ABCA1: variants seen among roughly 807,000 people sequenced by gnomAD.
The protein encoded by ABCA1 is ATP binding cassette subfamily A member 1, also known as phospholipid-transporting ATPase ABCA1.
ABCA1 carries 133 observed loss-of-function variants against 262.5 expected under a neutral mutation model. The observed-to-expected ratio is 0.51, with a 90% CI of 0.44 to 0.59. The LOEUF (loss-of-function observed/expected upper bound fraction) is 0.59. Among genes scored for constraint, ABCA1 ranks in the 20% least tolerant of loss-of-function variants. The probability of loss-of-function intolerance (pLI) is 0.00; values close to 1 mark genes in which losing one functional copy is unlikely to be tolerated. For synonymous variants in ABCA1, 1,022 were observed against 1,043.5 expected, an observed-to-expected ratio of 0.98 and a Z score of 0.40; for missense variants, 2,452 against 2,777.5, an observed-to-expected ratio of 0.88 and a Z score of 2.63.
chr9:104,908,800 C>T (rs545914610), intron 1 of ABCA1, among the ~76,000 whole-genome samples: 2 of 152,284 alleles, frequency 1.3e-5, no homozygotes, highest in Admixed American at 1.3e-4. Context: ...CTACATACTG[C>T]ATGATTCCAT....
Position 104,781,128 on chromosome 9 carries a change from T to C in ABCA1, c.*3187A>G, listed in dbSNP as rs778273493. On this transcript the variant is annotated 3_prime_UTR_variant, in exon 50 of 50. Transcript: ENST00000374736. ...CAAAATTTTTTTTCTTTTTTCCTTT[T>C]AATGAAAATGATTTAACTTAGAAAT... The C allele has an allele frequency of 9.8e-5, 15 of 152,666 alleles. No individual in the cohort carries two copies. Among genetic ancestry groups the C allele is most frequent in the Non-Finnish European group, 1.6e-4 (11 of 68,038 alleles). 9.5% of individuals were successfully genotyped at this position (152,666 alleles called of 1,614,324 possible).
Position 104,800,533 on chromosome 9 carries a change from G to C in ABCA1, c.4750C>G (p.Leu1584Val). Residue 1584 changes from leucine (L) to valine (V), a missense_variant, in exon 35 of 50, where the codon CTG becomes GTG. Leu to Val is a conservative substitution (Grantham distance 32). Coordinates refer to ENST00000374736, the MANE Select transcript of ABCA1 (RefSeq NM_005502.4). The part of the protein sequence containing the change: ...LNSLGRFMTG[L>V]DTKNNVKVWF... ...ACCTTGACATTATTTTTGGTGTCCA[G>C]TCCTGTCATAAATCTTCCCAAGCTG... 6.2e-7 allele frequency: 1 copy of C among 1,614,050 alleles called. No homozygotes were observed. The highest frequency in any genetic ancestry group is 8.5e-7 in the Non-Finnish European group (1 of 1,179,930).
At chr9:104,889,724 A>C (rs1217331308) in intron 2 of ABCA1, among the ~76,000 whole-genome samples, 3 of 151,772 alleles carry the variant, frequency 2.0e-5, no homozygotes, top group Non-Finnish European at 4.4e-5. Context: ...TGCTGTGCTA[A>C]ATACACACAA....
At chr9:104,816,386 AG>A (rs748311698) in intron 24 of ABCA1, 41 bp from the exon 25 acceptor site, 3 of 1,599,778 alleles carry the variant, frequency 1.9e-6, no homozygotes, top group Non-Finnish European at 8.6e-7. Context: ...ATCAACTCAG[AG>A]GGGCTTCGGA....
At chr9:104,813,643 C>T (rs1481673482) in intron 27 of ABCA1, among the ~76,000 whole-genome samples, 1 of 152,174 alleles carries the variant, frequency 6.6e-6, no homozygotes, top group African/African-American at 2.4e-5. Context: ...AAACTCCTGA[C>T]CTCAGGTGAT....
Position 104,883,081 on chromosome 9 carries a change from T to C in ABCA1, c.379A>G (p.Lys127Glu). ...ATCTGCTGTAATGTTCTCAGAACTTTGCGCATGTCCTTCATGCTGGTGTCT... is the reference window on the plus strand; with the variant it reads ...ATCTGCTGTAATGTTCTCAGAACTTCGCGCATGTCCTTCATGCTGGTGTCT... Reference protein sequence around the residue: ...QKDTSMKDMRKVLRTLQQIKK... With the variant: ...QKDTSMKDMREVLRTLQQIKK... The change falls in exon 5 of 50, where the codon AAA becomes GAA. Residue 127 changes from lysine (K) to glutamate (E), a missense_variant. Coordinates refer to ENST00000374736, the MANE Select transcript of ABCA1 (RefSeq NM_005502.4). 1.2e-6 allele frequency: 2 copies of C among 1,614,108 alleles called. No homozygotes were observed. Among genetic ancestry groups the C allele is most frequent in the Non-Finnish European group, 1.7e-6 (2 of 1,180,030 alleles).
chr9:104,783,951 T>A lies in ABCA1; in HGVS notation c.*364A>T. 1 of 202,884 alleles carries A rather than the reference T, an allele frequency of 4.9e-6. No homozygotes were observed. The highest frequency in any genetic ancestry group is 1.0e-5 in the Non-Finnish European group (1 of 98,966). The allele number at this position is 202,884 out of a possible 1,614,324, so 12.6% of individuals were successfully genotyped here. A position where few individuals can be genotyped will look rare whatever the true frequency, so the allele number is the denominator to read the frequency against. ...ATCAATAATCGCTGGCCATGATTAC[T>A]TGATGAATTATTGTTGCAACCCCAA... On this transcript the variant is annotated 3_prime_UTR_variant, in exon 50 of 50. Transcript: ENST00000374736.
intron 1 of ABCA1, among the ~76,000 whole-genome samples, chr9:104,916,018 A>G (rs1034637607): frequency 6.6e-6 from 1 of 152,192 alleles, no homozygotes; most frequent in Non-Finnish European, 1.5e-5. Flanking sequence ...TCCACAGAGA[A>G]GAAAGCCATG....
At chr9:104,887,091 A>T (rs1211681166) in intron 3 of ABCA1, among the ~76,000 whole-genome samples, 1 of 152,234 alleles carries the variant, frequency 6.6e-6, no homozygotes, top group Non-Finnish European at 1.5e-5. Flanking sequence ...CAGTGTGGTC[A>T]ACATGGCAAA....
Position 104,784,263 on chromosome 9 carries a change from A to C in ABCA1, c.*52T>G. 2 of 1,610,804 alleles carry C rather than the reference A, an allele frequency of 1.2e-6. No homozygotes were observed. Among genetic ancestry groups the C allele is most frequent in the Non-Finnish European group, 1.7e-6 (2 of 1,177,556 alleles). ...CTCCACAACACTTCACATGGTGCAA[A>C]GGAAAGTCTAGTTCCTCTTTACTTT... On this transcript the variant is annotated 3_prime_UTR_variant, in exon 50 of 50. Coordinates refer to ENST00000374736, the MANE Select transcript of ABCA1 (RefSeq NM_005502.4).
intron 1 of ABCA1, among the ~76,000 whole-genome samples, chr9:104,913,177 T>C (rs1183588974): frequency 1.3e-5 from 2 of 152,200 alleles, no homozygotes; most frequent in Non-Finnish European, 2.9e-5. Context: ...CAAACCCAAA[T>C]CTTAGTCACT....
chr9:104,802,521 GT>G (rs1830426592), intron 33 of ABCA1, among the ~76,000 whole-genome samples: 1 of 152,172 alleles, frequency 6.6e-6, no homozygotes, highest in Non-Finnish European at 1.5e-5. Flanking sequence ...ACCCTGCACT[GT>G]CCAGAGTAGG....
intron 1 of ABCA1, among the ~76,000 whole-genome samples, chr9:104,909,654 A>ACACACACACACACATACACG (rs770801372): frequency 6.8e-6 from 1 of 146,508 alleles, no homozygotes; most frequent in African/African-American, 2.5e-5. Flanking sequence ...ACACACACAC[A>ACACACACACACACATACACG]TTCACAGGAA....
intron 35 of ABCA1, among the ~76,000 whole-genome samples, chr9:104,800,230 C>A (rs1830217918): frequency 6.6e-6 from 1 of 152,142 alleles, no homozygotes. Flanking sequence ...ATTCTCACAA[C>A]AGTTTGGAAA....
chr9:104,814,924 G>A (rs1831606449), intron 25 of ABCA1, among the ~76,000 whole-genome samples: 1 of 152,162 alleles, frequency 6.6e-6, no homozygotes, highest in Non-Finnish European at 1.5e-5. Flanking sequence ...GAACCTGGGA[G>A]GTGGAGGTTG....
intron 7 of ABCA1, among the ~76,000 whole-genome samples, chr9:104,852,801 C>A (rs995182592): frequency 6.6e-6 from 1 of 152,184 alleles, no homozygotes; most frequent in African/African-American, 2.4e-5. Context: ...AAATCTGATA[C>A]TTTCCAACAA....
At chr9:104,809,369 G>T (rs562625212) in intron 30 of ABCA1, 97 bp downstream of exon 30, 1 of 1,148,160 alleles carries the variant, frequency 8.7e-7, no homozygotes, top group Admixed American at 1.8e-5. Context: ...AAATGCTGGC[G>T]GTCACAATGT....
intron 6 of ABCA1, among the ~76,000 whole-genome samples, chr9:104,859,396 C>G (rs1043751679): frequency 9.0e-5 from 13 of 144,446 alleles, no homozygotes; most frequent in African/African-American, 3.4e-4. Flanking sequence ...CAGTGGACCA[C>G]AAGCTTTGAA....
intron 5 of ABCA1, among the ~76,000 whole-genome samples, chr9:104,867,971 A>G (rs1564208897): frequency 6.6e-6 from 1 of 152,238 alleles, no homozygotes; most frequent in Non-Finnish European, 1.5e-5. Flanking sequence ...CAAAATCAGC[A>G]CTGGATACAG....
Sources: allele counts gnomAD v4.1 joint callset (sites outside exome capture counted in the v4.1 genomes callset), GRCh38; gene constraint gnomAD v4.1.1; transcripts MANE v1.5; gene names NCBI Gene and HGNC (gene_info 2026-07-23, HGNC 2026-07-21).